TECPR2: variants seen among roughly 807,000 people sequenced by gnomAD.
TECPR2 encodes tectonin beta-propeller repeat-containing protein 2.
A neutral mutation model predicts 138.1 loss-of-function variants in TECPR2; 65 were observed. That is an observed-to-expected ratio of 0.47 (90% CI 0.39 to 0.58). The LOEUF is 0.58. Ranked by LOEUF, TECPR2 falls within the 20% of genes least tolerant of loss-of-function variation. The pLI is 0.00. For synonymous variants in TECPR2, 746 were observed against 749.8 expected (o/e 0.99, Z 0.08); for missense variants, 1,553 against 1,824.5 (o/e 0.85, Z 2.71).
At position 102,434,618 on chromosome 14, in the gene TECPR2, C is replaced by T. The variant is rs1282804614; in HGVS notation, c.1801C>T (p.Pro601Ser). The T allele has an allele frequency of 1.3e-6, 2 of 1,582,934 alleles. No individual in the cohort carries two copies. Among genetic ancestry groups the T allele is most frequent in the Non-Finnish European group, 1.7e-6 (2 of 1,160,492 alleles). ...GSDVTGLGDE[P>S]CPADDGPNST... ...TGATGTCACGGGACTCGGAGATGAG[C>T]CGTGTCCTGCAGATGATGGACCAAA... The change falls in exon 9 of 20, where the codon CCG (proline) becomes TCG (serine). Residue 601 changes from proline (P) to serine (S), a missense_variant. Pro to Ser is a moderately conservative substitution (Grantham distance 74). Coordinates refer to ENST00000359520, the MANE Select transcript of TECPR2 (RefSeq NM_014844.5).
Position 102,415,633 on chromosome 14 carries a change from G to A in TECPR2, c.638+840G>A, listed in dbSNP as rs2097615132. On this transcript the variant is annotated intron_variant, in intron 5 of 19. Transcript: ENST00000359520. The surrounding 1 kb of genome is among the most constrained non-coding windows in gnomAD (Gnocchi z 4.3). ...CTATGCCAAGGAGGAGGTAGACTGGGGCCAACGTGGGGGTGGGAAGCAGAG... is the reference window on the plus strand; with the variant it reads ...CTATGCCAAGGAGGAGGTAGACTGGAGCCAACGTGGGGGTGGGAAGCAGAG... 6.6e-6 allele frequency among the ~76,000 whole-genome samples: 1 copy of A among 152,110 alleles called. No homozygotes were observed. Among genetic ancestry groups the A allele is most frequent in the South Asian group, 2.1e-4 (1 of 4,830 alleles).
intron 9 of TECPR2, among the ~76,000 whole-genome samples, chr14:102,436,318 CTTTTTTT>C (rs558287413): frequency 1.5e-5 from 2 of 135,504 alleles, no homozygotes; most frequent in Non-Finnish European, 1.6e-5. Context: ...TTCTTTCTTT[CTTTTTTT>C]TTTTTTTTTC....
intron 17 of TECPR2, among the ~76,000 whole-genome samples, chr14:102,486,046 T>C (rs1891020205): frequency 1.3e-5 from 2 of 152,206 alleles, no homozygotes; most frequent in African/African-American, 4.8e-5. Flanking sequence ...GGAAACCTGC[T>C]TCTGAGCGTT....
chr14:102,485,055 G>T (rs1890993125), intron 17 of TECPR2, among the ~76,000 whole-genome samples: 1 of 152,244 alleles, frequency 6.6e-6, no homozygotes, highest in Admixed American at 6.5e-5. Flanking sequence ...CTGCCCAGAA[G>T]CTTCTGGCTT....
intron 17 of TECPR2, among the ~76,000 whole-genome samples, chr14:102,466,814 C>T (rs556708723): frequency 3.9e-4 from 60 of 152,328 alleles, no homozygotes; most frequent in African/African-American, 1.4e-3. Context: ...CAGTCACTTC[C>T]TGTTCTCACA....
intron 16 of TECPR2, among the ~76,000 whole-genome samples, chr14:102,462,901 A>G (rs1481256674): frequency 6.6e-6 from 1 of 152,250 alleles, no homozygotes; most frequent in Non-Finnish European, 1.5e-5. Flanking sequence ...AGACTTGAAC[A>G]GGCACTTCAC....
chr14:102,459,268 C>T (rs1407429388), intron 16 of TECPR2, among the ~76,000 whole-genome samples: 1 of 152,114 alleles, frequency 6.6e-6, no homozygotes, highest in Non-Finnish European at 1.5e-5. Flanking sequence ...CTGTTTGCAG[C>T]TCCATTTCTG....
At chr14:102,462,589 C>T (rs1207434817) in intron 16 of TECPR2, among the ~76,000 whole-genome samples, 1 of 152,164 alleles carries the variant, frequency 6.6e-6, no homozygotes, top group Non-Finnish European at 1.5e-5. Context: ...CATCTGATAC[C>T]AGTGACAACT....
intron 4 of TECPR2, among the ~76,000 whole-genome samples, chr14:102,411,698 T>TGAAAAA (rs1219515960): frequency 2.1e-4 from 2 of 9,670 alleles, no homozygotes; most frequent in African/African-American, 9.2e-4. Flanking sequence ...GCCATGTTGC[T>TGAAAAA]CAAAAAAAAA....
intron 17 of TECPR2, among the ~76,000 whole-genome samples, chr14:102,489,404 G>A (rs1891108295): frequency 6.6e-6 from 1 of 151,584 alleles, no homozygotes; most frequent in South Asian, 2.1e-4. Flanking sequence ...GGGTCACAAG[G>A]TCAGGAGTTC....
chr14:102,425,408 T>C (rs1466877783), intron 6 of TECPR2, 117 bp downstream of exon 6: 2 of 1,042,730 alleles, frequency 1.9e-6, no homozygotes, highest in African/African-American at 1.6e-5. Context: ...ACTTACACTT[T>C]ACTTTTTCCT....
At chr14:102,385,362 G>A (rs1887968877) in intron 2 of TECPR2, among the ~76,000 whole-genome samples, 1 of 152,104 alleles carries the variant, frequency 6.6e-6, no homozygotes, top group African/African-American at 2.4e-5. Context: ...CCACCTCCCA[G>A]CACTGCCACT....
chr14:102,453,113 C>T lies in TECPR2; in HGVS notation c.3640+486C>T, dbSNP rs76571943. On this transcript the variant is annotated intron_variant, in intron 16 of 19. Transcript: ENST00000359520. ...TCAGCTCAGCCAGATATAGGAGGAC[C>T]TGCATCCACTAGCTCCTGCTTTTCT... Among the ~76,000 whole-genome samples, 3 of 152,344 alleles carry T rather than the reference C, an allele frequency of 2.0e-5. No homozygotes were observed. In the East Asian group the frequency reaches 5.8e-4, roughly 29 times the overall value.
intron 4 of TECPR2, among the ~76,000 whole-genome samples, chr14:102,411,693 G>T (rs1172061654): frequency 5.4e-5 from 1 of 18,588 alleles, no homozygotes; most frequent in Admixed American, 8.6e-4. Flanking sequence ...AAACAGCCAT[G>T]TTGCTCAAAA....
intron 8 of TECPR2, among the ~76,000 whole-genome samples, chr14:102,433,070 G>C (rs1428016991): frequency 1.3e-5 from 2 of 152,070 alleles, no homozygotes; most frequent in African/African-American, 4.8e-5. Context: ...GATTCTGTGA[G>C]CCTGGGTGGA....
chr14:102,472,963 C>T (rs1595142966), intron 17 of TECPR2, among the ~76,000 whole-genome samples: 1 of 152,256 alleles, frequency 6.6e-6, no homozygotes, highest in Non-Finnish European at 1.5e-5. Context: ...TGCTGCCAGG[C>T]GCTCGCCTTG....
Position 102,481,553 on chromosome 14 carries a change from C to G in TECPR2, c.3790-15426C>G, listed in dbSNP as rs186155257. On this transcript the variant is annotated intron_variant, in intron 17 of 19. Coordinates refer to ENST00000359520, the MANE Select transcript of TECPR2 (RefSeq NM_014844.5). Reference sequence around the variant, plus strand: ...GCTGGGTGGGAGGATCACTGGAGACCAGGATCATCCACCGCACTCCAGCCT... The same window carrying G: ...GCTGGGTGGGAGGATCACTGGAGACGAGGATCATCCACCGCACTCCAGCCT... Among the ~76,000 whole-genome samples, 16 of 152,286 alleles carry G rather than the reference C, an allele frequency of 1.1e-4. 1 individual carries two copies. In the East Asian group the frequency reaches 3.1e-3, roughly 29 times the overall value.
chr14:102,376,995 A>G, intron 2 of TECPR2, 55 bp downstream of exon 2: 1 of 1,549,996 alleles, frequency 6.5e-7, no homozygotes, highest in Non-Finnish European at 8.8e-7. Flanking sequence ...CTGACGCTTA[A>G]CATGCTTGTG....
intron 16 of TECPR2, 71 bp downstream of exon 16, chr14:102,452,698 GA>G: frequency 7.6e-7 from 1 of 1,311,160 alleles, no homozygotes; most frequent in Non-Finnish European, 1.1e-6. Context: ...CGTGATGTCG[GA>G]CAAAACTGCC....
Sources: gnomAD v4.1 joint callset for allele counts (sites outside exome capture counted in the v4.1 genomes callset) on GRCh38, gnomAD v4.1.1 for gene constraint, Gnocchi (gnomAD v3.1) non-coding constraint, MANE v1.5 for transcripts, NCBI Gene and HGNC (gene_info 2026-07-23, HGNC 2026-07-21) for gene names.